KIF21A: variants seen among roughly 807,000 people sequenced by gnomAD.
KIF21A encodes kinesin-like protein KIF21A.
Under a neutral mutation model 202.9 loss-of-function variants are expected in KIF21A, and 114 were observed. The observed-to-expected ratio is 0.56, with a 90% CI of 0.48 to 0.66. KIF21A has a LOEUF of 0.66. KIF21A is among the 30% of genes least tolerant of loss of function. The probability of loss-of-function intolerance (pLI) is 0.00; values close to 1 mark genes in which losing one functional copy is unlikely to be tolerated. For missense variants in KIF21A, 1,677 were observed against 1,994.9 expected, an observed-to-expected ratio of 0.84 and a Z score of 3.04; for synonymous variants, 667 against 670.8, an observed-to-expected ratio of 0.99 and a Z score of 0.09.
At chr12:39,330,652 C>CA in intron 23 of KIF21A, 94 bp downstream of exon 23, 1 of 1,020,240 alleles carries the variant, frequency 9.8e-7, no homozygotes, top group Middle Eastern at 2.1e-4. Flanking sequence ...AGCATCTATT[C>CA]AGTCAAGCCA....
intron 7 of KIF21A, among the ~76,000 whole-genome samples, chr12:39,362,140 T>C (rs1949287069): frequency 6.6e-6 from 1 of 152,190 alleles, no homozygotes; most frequent in Non-Finnish European, 1.5e-5. Context: ...GTAAGTTTCC[T>C]GTGGCCTCCC....
At chr12:39,439,307 A>G (rs1939246635) in intron 1 of KIF21A, among the ~76,000 whole-genome samples, 1 of 152,216 alleles carries the variant, frequency 6.6e-6, no homozygotes. Context: ...GGACACATAC[A>G]ATGTGAAAGT....
intron 7 of KIF21A, among the ~76,000 whole-genome samples, chr12:39,360,209 T>TA (rs202186899): frequency 4.6e-5 from 7 of 151,504 alleles, no homozygotes; most frequent in Admixed American, 1.3e-4. Context: ...AAAATAAAGC[T>TA]AAAAAAAAGC....
chr12:39,388,325 T>C (rs1479994976), intron 1 of KIF21A, among the ~76,000 whole-genome samples: 3 of 152,164 alleles, frequency 2.0e-5, no homozygotes, highest in Admixed American at 6.6e-5. Flanking sequence ...TTACCTTCCA[T>C]CGTAAGTGGA....
intron 1 of KIF21A, among the ~76,000 whole-genome samples, chr12:39,436,440 ATATATATAT>A (rs1283389070): frequency 2.5e-5 from 3 of 118,322 alleles, no homozygotes; most frequent in African/African-American, 1.2e-4. Flanking sequence ...ATATATATAT[ATATATATAT>A]TTTTTTTTTT....
At chr12:39,359,045 C>G (rs1174371295) in intron 7 of KIF21A, among the ~76,000 whole-genome samples, 1 of 152,110 alleles carries the variant, frequency 6.6e-6, no homozygotes, top group Non-Finnish European at 1.5e-5. Context: ...GAGATTCTAA[C>G]AGACACTCAC....
At chr12:39,342,326 C>A (rs1174076143) in intron 12 of KIF21A, among the ~76,000 whole-genome samples, 1 of 152,114 alleles carries the variant, frequency 6.6e-6, no homozygotes, top group Admixed American at 6.6e-5. Context: ...TGATTTATAT[C>A]ACTGGAGAAA....
Position 39,423,126 on chromosome 12 carries a change from T to C in KIF21A, c.44+19801A>G, listed in dbSNP as rs1363012579. Among the ~76,000 whole-genome samples the C allele has an allele frequency of 3.9e-5, 6 of 152,318 alleles. No individual in the cohort carries two copies. In the East Asian group the frequency reaches 9.6e-4, roughly 24 times the overall value. ...TTGACAAATGTATTAAAATGAACTA[T>C]TTTTTATTAGAACACTCATCTATAC... is the stretch of plus-strand genomic sequence containing the variant. On this transcript the variant is annotated intron_variant, in intron 1 of 37. Transcript: ENST00000361418.
chr12:39,366,501 T>C lies in KIF21A; in HGVS notation c.752A>G (p.Asn251Ser). ...PQIDADNATD[N>S]KIISESAQMN... ...CTGTGCTGATTCAGAAATAATTTTA[T>C]TATCAGTTGCATTGTCCTGAAATTA... Residue 251 changes from asparagine to serine, a missense_variant, in exon 6 of 38, where the codon AAT becomes AGT. Coordinates refer to ENST00000361418, the MANE Select transcript of KIF21A (RefSeq NM_001173464.2). 2 of 1,607,722 alleles carry C rather than the reference T, an allele frequency of 1.2e-6. No individual in the cohort carries two copies. Among genetic ancestry groups the C allele is most frequent in the Non-Finnish European group, 1.7e-6 (2 of 1,174,422 alleles).
intron 3 of KIF21A, among the ~76,000 whole-genome samples, chr12:39,369,304 C>CA (rs1325774991): frequency 2.6e-5 from 4 of 151,976 alleles, no homozygotes; most frequent in Non-Finnish European, 5.9e-5. Flanking sequence ...ACTAAAATTA[C>CA]AAAAAATTAG....
rs201816742 is a variant in KIF21A at position 39,434,789 on chromosome 12, C to CA, written c.44+8137dup. 6.8e-3 allele frequency among the ~76,000 whole-genome samples: 1,029 copies of CA among 152,184 alleles called. 14 individuals are homozygous for CA. Among genetic ancestry groups the CA allele is most frequent in the African/African-American group, 0.024 (983 of 41,520 alleles). On this transcript the variant is annotated intron_variant, in intron 1 of 37. Coordinates refer to ENST00000361418, the MANE Select transcript of KIF21A (RefSeq NM_001173464.2). ...GAGATGCCCTGTGCCTCATTAGTAC[C>CA]ATGTGATCAATATGCCACATCATAA...
chr12:39,293,748 A>T lies in KIF21A; in HGVS notation c.*676T>A, dbSNP rs1487575479. The T allele has an allele frequency of 6.6e-6, 1 of 151,658 alleles. No homozygotes were observed. Among genetic ancestry groups the T allele is most frequent in the South Asian group, 2.1e-4 (1 of 4,754 alleles). The allele number at this position is 151,658 out of a possible 1,614,324, so 9.4% of individuals were successfully genotyped here. A position where few individuals can be genotyped will look rare whatever the true frequency, so the allele number is the denominator to read the frequency against. On this transcript the variant is annotated 3_prime_UTR_variant, in exon 38 of 38. Transcript: ENST00000361418. Reference sequence around the variant, plus strand: ...CACAGCACTGGAAAAAAAAAAAAAAATTAACAGCATTTTAGTCCTGAGCAC... The same window carrying T: ...CACAGCACTGGAAAAAAAAAAAAAATTTAACAGCATTTTAGTCCTGAGCAC...
In KIF21A at chr12:39,357,289, T is replaced by C. The variant is rs746352730; in HGVS notation, c.1364A>G (p.Gln455Arg). ...TVDALRSRITQLVSDQANHVL... is the reference protein window; with the variant it reads ...TVDALRSRITRLVSDQANHVL... The stretch of plus-strand genomic sequence containing the variant: ...ATGGTTGGCCTGATCACTAACAAGC[T>C]GTGTAATTCTGGACCTCAATGCATC... The change falls in exon 9 of 38, where the codon CAG becomes CGG. Residue 455 changes from glutamine (Q) to arginine (R), a missense_variant. This residue lies in a region of KIF21A where 966 missense variants were observed against 1,180.9 expected (regional missense o/e 0.82). Transcript: ENST00000361418. 9.9e-6 allele frequency: 16 copies of C among 1,614,164 alleles called. No individual in the cohort carries two copies. Among genetic ancestry groups the C allele is most frequent in the Non-Finnish European group, 1.0e-5 (12 of 1,180,014 alleles).
intron 1 of KIF21A, among the ~76,000 whole-genome samples, chr12:39,371,851 C>A (rs918150565): frequency 2.0e-5 from 3 of 151,698 alleles, no homozygotes; most frequent in Non-Finnish European, 4.4e-5. Flanking sequence ...ACTGCTTGAA[C>A]CCAGGAGGTG....
intron 34 of KIF21A, among the ~76,000 whole-genome samples, chr12:39,306,631 G>C (rs1943500784): frequency 6.6e-6 from 1 of 152,108 alleles, no homozygotes; most frequent in African/African-American, 2.4e-5. Flanking sequence ...TTCTGGATGA[G>C]AGGCACCCCA....
chr12:39,433,169 C>T (rs953105712), intron 1 of KIF21A, among the ~76,000 whole-genome samples: 1 of 151,994 alleles, frequency 6.6e-6, no homozygotes, highest in Non-Finnish European at 1.5e-5. Context: ...AAATAACTTT[C>T]TTATGGAATT....
At chr12:39,371,137 C>A (rs911529770) in intron 1 of KIF21A, among the ~76,000 whole-genome samples, 1 of 152,114 alleles carries the variant, frequency 6.6e-6, no homozygotes, top group African/African-American at 2.4e-5. Context: ...ATATCCAGTA[C>A]AGATGTAACA....
chr12:39,385,301 G>A (rs1415939995), intron 1 of KIF21A, among the ~76,000 whole-genome samples: 1 of 151,916 alleles, frequency 6.6e-6, no homozygotes, highest in East Asian at 1.9e-4. Context: ...AGGGAAGGAG[G>A]TAGCCCTTAA....
chr12:39,413,052 T>C (rs1015280953), intron 1 of KIF21A, among the ~76,000 whole-genome samples: 1 of 152,210 alleles, frequency 6.6e-6, no homozygotes, highest in Non-Finnish European at 1.5e-5. Context: ...AAAGCACCTG[T>C]TTTAGTGTAT....
Sources: gnomAD v4.1 joint callset for allele counts (sites outside exome capture counted in the v4.1 genomes callset) on GRCh38, gnomAD v4.1.1 for gene constraint, gnomAD v4.1.1 regional missense constraint, MANE v1.5 for transcripts, NCBI Gene and HGNC (gene_info 2026-07-23, HGNC 2026-07-21) for gene names.